XPNPEP2: variants seen among roughly 807,000 people sequenced by gnomAD.
The protein encoded by XPNPEP2 is xaa-Pro aminopeptidase 2.
XPNPEP2 carries 64 observed loss-of-function variants against 59.8 expected under a neutral mutation model. That is an observed-to-expected ratio of 1.07 (90% CI 0.87 to 1.32). The LOEUF (loss-of-function observed/expected upper bound fraction) is 1.32. XPNPEP2 is among the 40% of genes most tolerant of loss of function. XPNPEP2 has a pLI of 0.00. For missense variants in XPNPEP2, 575 were observed against 546.8 expected (o/e 1.05, Z -0.51); for synonymous variants, 235 against 210.0 (o/e 1.12, Z -1.03).
rs1926682177 is a variant in XPNPEP2 at position 129,762,782 on chromosome X, C to T, written c.1740+12C>T. 8.3e-7 allele frequency: 1 copy of T among 1,202,707 alleles called. No homozygotes were observed. The highest frequency in any genetic ancestry group is 3.0e-5 in the East Asian group (1 of 33,819). On this transcript the variant is annotated intron_variant, in intron 19 of 20. Transcript: ENST00000371106. ...AAGCAAAGACCAAGGTAAACTGCCA[C>T]CAGGATGGGCTGGAGGTGTGGGCAG...
intron 8 of XPNPEP2, among the ~76,000 whole-genome samples, chrX:129,751,108 C>G (rs1192818883): frequency 8.8e-5 from 7 of 79,702 alleles, no homozygotes; most frequent in African/African-American, 2.4e-4. Context: ...TCCCCCACCC[C>G]CCCCCCCCGG....
At chrX:129,749,000 A>T (rs1290948863) in intron 7 of XPNPEP2, among the ~76,000 whole-genome samples, 1 of 112,120 alleles carries the variant, frequency 8.9e-6, no homozygotes, top group African/African-American at 3.3e-5. Context: ...AGGAGAGTGC[A>T]AAGGGCAGAA....
chrX:129,742,629 C>T (rs886334156), intron 2 of XPNPEP2, among the ~76,000 whole-genome samples: 4 of 110,073 alleles, frequency 3.6e-5, no homozygotes, highest in Non-Finnish European at 5.8e-5. Flanking sequence ...AGGCCGAGCA[C>T]GGTGGCTGAC....
intron 2 of XPNPEP2, among the ~76,000 whole-genome samples, chrX:129,742,902 AAAAAC>A (rs1430594227): frequency 9.0e-6 from 1 of 111,610 alleles, no homozygotes; most frequent in Admixed American, 9.4e-5. Flanking sequence ...ACTCTGTCTC[AAAAAC>A]AAAACAAAAC....
At chrX:129,744,435 A>T (rs1014962574) in intron 3 of XPNPEP2, among the ~76,000 whole-genome samples, 1 of 111,988 alleles carries the variant, frequency 8.9e-6, no homozygotes, top group African/African-American at 3.3e-5. Flanking sequence ...CTTCTGGCCC[A>T]GGCCTTCCCA....
intron 8 of XPNPEP2, among the ~76,000 whole-genome samples, 187 bp from the exon 9 acceptor site, chrX:129,751,556 AAG>A (rs1171705812): frequency 1.7e-5 from 1 of 59,386 alleles, no homozygotes; most frequent in African/African-American, 7.4e-5. Context: ...GAAAGAAAGA[AAG>A]AAAGAAAGAA....
Position 129,759,206 on chromosome X carries a change from C to G in XPNPEP2, c.1394C>G (p.Thr465Arg), listed in dbSNP as rs1569477406. The change falls in exon 15 of 21, where the codon ACA (threonine) becomes AGA (arginine). Residue 465 changes from threonine (T) to arginine (R), a missense_variant. Coordinates refer to ENST00000371106, the MANE Select transcript of XPNPEP2 (RefSeq NM_003399.6). ...YWDGTTDITRTVHWGTPSAFQ... is the reference protein window; with the variant it reads ...YWDGTTDITRRVHWGTPSAFQ... ...GACGGGACCACAGACATCACCAGAA[C>G]AGTCCACTGGGGCACCCCCTCTGCC... The G allele has an allele frequency of 8.3e-7, 1 of 1,212,067 alleles. No homozygotes were observed. The highest frequency in any genetic ancestry group is 2.2e-5 in the Admixed American group (1 of 46,070).
intron 15 of XPNPEP2, among the ~76,000 whole-genome samples, chrX:129,760,038 G>A (rs942374467): frequency 3.6e-5 from 4 of 112,308 alleles, no homozygotes; most frequent in East Asian, 2.8e-4. Context: ...CTAAACTTCC[G>A]TGAAGCATGC....
chrX:129,742,282 A>C, intron 2 of XPNPEP2, 101 bp downstream of exon 2: 1 of 406,308 alleles, frequency 2.5e-6, no homozygotes, highest in Non-Finnish European at 4.2e-6. Flanking sequence ...GCCCTGCTCT[A>C]TCATCTTCTC....
At chrX:129,757,893 G>GAGAAAGAA (rs558575574) in intron 14 of XPNPEP2, among the ~76,000 whole-genome samples, 23 of 51,776 alleles carry the variant, frequency 4.4e-4, no homozygotes, top group Admixed American at 9.2e-4. Flanking sequence ...GAGAGAGAGA[G>GAGAAAGAA]AGAAAGAAAG....
chrX:129,754,236 T>C (rs1926473690), intron 11 of XPNPEP2, among the ~76,000 whole-genome samples: 1 of 112,538 alleles, frequency 8.9e-6, no homozygotes, highest in Non-Finnish European at 1.9e-5. Flanking sequence ...TGCTGGATTC[T>C]TTTAAAAGTA....
intron 9 of XPNPEP2, 116 bp from the exon 10 acceptor site, chrX:129,752,034 G>A: frequency 1.1e-6 from 1 of 933,200 alleles, no homozygotes; most frequent in Non-Finnish European, 1.5e-6. Context: ...TGGCCTGCTT[G>A]GCTCCCTGGG....
Position 129,760,575 on chromosome X carries a change from A to G in XPNPEP2, c.1492A>G (p.Thr498Ala), listed in dbSNP as rs781473479. 9 of 1,211,856 alleles carry G rather than the reference A, an allele frequency of 7.4e-6. No homozygotes were observed. The Admixed American group carries it at 1.1e-4, about 15-fold the overall frequency. Residue 498 changes from threonine to alanine, a missense_variant, in exon 16 of 21, where the codon ACA becomes GCA. Thr to Ala is a moderately conservative substitution (Grantham distance 58, BLOSUM62 0). Transcript: ENST00000371106. ...GTCCAGGCTCATCTTTCCCGCTGCT[A>G]CATCAGGTGGGTTTCAGAAACCAGT... The part of the protein sequence containing the change: ...DLSRLIFPAA[T>A]SGRMVEAFAR...
chrX:129,746,199 T>C, intron 4 of XPNPEP2, 37 bp from the exon 5 acceptor site: 21 of 1,171,623 alleles, frequency 1.8e-5, no homozygotes, highest in Non-Finnish European at 2.4e-5. Flanking sequence ...GTTCCTCCCC[T>C]TCACCCTCAC....
intron 19 of XPNPEP2, among the ~76,000 whole-genome samples, chrX:129,765,069 T>C (rs1383760117): frequency 8.9e-6 from 1 of 112,554 alleles, no homozygotes; most frequent in Non-Finnish European, 1.9e-5. Context: ...CGTATGTATC[T>C]ATCTATGTAT....
At position 129,755,188 on chromosome X, in the gene XPNPEP2, G is replaced by A. The variant is rs534422763; in HGVS notation, c.1218-106G>A. ...TGGGAGAGCCAAATGGTGTCCAGTT[G>A]AGAGGTAGAGGCAGCCATGACCTTC... On this transcript the variant is annotated intron_variant, in intron 12 of 20. Transcript: ENST00000371106. The A allele has an allele frequency of 6.1e-5, 47 of 765,228 alleles. No individual in the cohort carries two copies. In the South Asian group the frequency reaches 1.0e-3, roughly 17 times the overall value. The allele number at this position is 765,228 out of a possible 1,213,427, so 63.1% of individuals were successfully genotyped here. A position where few individuals can be genotyped will look rare whatever the true frequency, so the allele number is the denominator to read the frequency against.
At chrX:129,757,858 A>AGAAAGAAAGAAAGAAG (rs1491134908) in intron 14 of XPNPEP2, among the ~76,000 whole-genome samples, 3 of 74,718 alleles carry the variant, frequency 4.0e-5, no homozygotes, top group African/African-American at 2.0e-4. Context: ...AAAGAAAGAA[A>AGAAAGAAAGAAAGAAG]GAGGGAGAGA....
rs200211852 is a variant in XPNPEP2 at position 129,743,970 on chromosome X, G to C, written c.133G>C (p.Val45Leu). The C allele has an allele frequency of 7.5e-5, 91 of 1,209,057 alleles. No homozygotes were observed. Among genetic ancestry groups the C allele is most frequent in the Non-Finnish European group, 9.3e-5 (83 of 894,296 alleles). ...TCTTGTCATCTGTCAGTACCTTCCA[G>C]TTACTGTGGTCAATACCACAATGTC... ...NCSTNPPYLPVTVVNTTMSLT... is the reference protein window; with the variant it reads ...NCSTNPPYLPLTVVNTTMSLT... The change falls in exon 3 of 21, where the codon GTT (valine) becomes CTT (leucine). Residue 45 changes from valine to leucine, a missense_variant. Coordinates refer to ENST00000371106, the MANE Select transcript of XPNPEP2 (RefSeq NM_003399.6).
rs771783951 is a variant in XPNPEP2, at chrX:129,746,681, G to A, written c.490G>A (p.Asp164Asn). 2 of 1,206,344 alleles carry A rather than the reference G, an allele frequency of 1.7e-6. No individual in the cohort carries two copies. The highest frequency in any genetic ancestry group is 2.2e-6 in the Non-Finnish European group (2 of 891,185). ...TTTTGACCCCTTCCTCTTGTCCATT[G>A]GTATGCTCTTCCTTCAGTCCCTGAA... ...VGFDPFLLSI[D>N]TWESYDLALQ... Residue 164 changes from aspartate to asparagine, a missense_variant and splice_region_variant, in exon 6 of 21, where the codon GAC becomes AAC. Coordinates refer to ENST00000371106, the MANE Select transcript of XPNPEP2 (RefSeq NM_003399.6).
Sources: gnomAD v4.1 joint callset for allele counts (sites outside exome capture counted in the v4.1 genomes callset) on GRCh38, gnomAD v4.1.1 for gene constraint, MANE v1.5 for transcripts, NCBI Gene and HGNC (gene_info 2026-07-23, HGNC 2026-07-21) for gene names.